The following QRFPR variants were observed in gnomAD, a reference collection of about 807,000 sequenced individuals.
QRFPR encodes the protein pyroglutamylated RFamide peptide receptor.
QRFPR carries 37 observed loss-of-function variants against 31.3 expected under a neutral mutation model. The observed-to-expected ratio is 1.18, with a 90% confidence interval of 0.91 to 1.56. QRFPR has a LOEUF of 1.56. Ranked by LOEUF, QRFPR falls within the 40% of genes most tolerant of loss-of-function variation. The pLI is 0.00. For missense variants in QRFPR, 542 were observed against 532.5 expected, an observed-to-expected ratio of 1.02 and a Z score of -0.18; for synonymous variants, 197 against 192.0, an observed-to-expected ratio of 1.03 and a Z score of -0.22.
intron 1 of QRFPR, among the ~76,000 whole-genome samples, chr4:121,366,189 C>A (rs968983011): frequency 4.0e-5 from 6 of 149,882 alleles, no homozygotes; most frequent in African/African-American, 7.4e-5. Flanking sequence ...AAAAACCCAA[C>A]ACTGAAGCAG....
At chr4:121,371,418 G>A (rs190240645) in intron 1 of QRFPR, among the ~76,000 whole-genome samples, 93 of 152,304 alleles carry the variant, frequency 6.1e-4, no homozygotes, top group African/African-American at 2.1e-3. Context: ...CTAGAACCCC[G>A]TTCACTGACC....
At chr4:121,377,789 T>A (rs1726385477) in intron 1 of QRFPR, among the ~76,000 whole-genome samples, 1 of 152,178 alleles carries the variant, frequency 6.6e-6, no homozygotes, top group Admixed American at 6.5e-5. Context: ...TACTCACTTT[T>A]GTACTCTCAA....
intron 1 of QRFPR, among the ~76,000 whole-genome samples, chr4:121,378,575 G>A (rs907224056): frequency 3.3e-5 from 5 of 151,876 alleles, no homozygotes; most frequent in Admixed American, 3.3e-4. Flanking sequence ...CACGATGCCC[G>A]GCTAATTTTT....
intron 1 of QRFPR, among the ~76,000 whole-genome samples, chr4:121,351,843 T>TAA (rs11333384): frequency 5.9e-4 from 86 of 146,090 alleles, no homozygotes; most frequent in South Asian, 2.2e-4. Context: ...TAAAGTAATG[T>TAA]AAAAAAAAAA....
chr4:121,363,365 A>G lies in QRFPR; in HGVS notation c.340+16943T>C, dbSNP rs143741291. 3.1e-4 allele frequency among the ~76,000 whole-genome samples: 46 copies of G among 150,012 alleles called. 2 individuals carry two copies. Among genetic ancestry groups the G allele is most frequent in the South Asian group, 1.7e-3 (8 of 4,740 alleles). On this transcript the variant is annotated intron_variant, in intron 1 of 5. Coordinates refer to ENST00000394427, the MANE Select transcript of QRFPR (RefSeq NM_198179.3). ...AATAAAGAAAGAAGGAACCAAAACT[A>G]TATAACCCTTCACATGTCAATCATG... is the stretch of plus-strand genomic sequence containing the variant.
intron 1 of QRFPR, among the ~76,000 whole-genome samples, chr4:121,347,679 T>A (rs1043363930): frequency 4.6e-5 from 7 of 152,144 alleles, no homozygotes; most frequent in African/African-American, 1.7e-4. Flanking sequence ...ACCTCTCTCC[T>A]CCTATTTTCG....
chr4:121,364,424 C>T (rs1437724053), intron 1 of QRFPR, among the ~76,000 whole-genome samples: 1 of 149,738 alleles, frequency 6.7e-6, no homozygotes, highest in Non-Finnish European at 1.5e-5. Context: ...ATCACAAGGT[C>T]AGGAGATCGA....
At chr4:121,352,521 AATC>A (rs1725782196) in intron 1 of QRFPR, among the ~76,000 whole-genome samples, 1 of 152,116 alleles carries the variant, frequency 6.6e-6, no homozygotes, top group Non-Finnish European at 1.5e-5. Context: ...TCATTTAAAA[AATC>A]ATCACTGGCA....
At chr4:121,380,276 G>A (rs779184694) in intron 1 of QRFPR, 32 bp downstream of exon 1, 1 of 1,520,164 alleles carries the variant, frequency 6.6e-7, no homozygotes, top group South Asian at 1.2e-5. Context: ...GGTTAAGAGA[G>A]AAGGAGCGAA....
Position 121,363,053 on chromosome 4 carries a change from G to A in QRFPR, c.340+17255C>T, listed in dbSNP as rs1726021489. On this transcript the variant is annotated intron_variant, in intron 1 of 5. Coordinates refer to ENST00000394427, the MANE Select transcript of QRFPR (RefSeq NM_198179.3). The stretch of plus-strand genomic sequence containing the variant: ...TTCTTAAAGAAGGAGCCAAAACTAG[G>A]CCGGGCAGAGTGGCTCATGCCTGTA... Among the ~76,000 whole-genome samples, 4 of 150,066 alleles carry A rather than the reference G, an allele frequency of 2.7e-5. 1 individual carries two copies. Among genetic ancestry groups the A allele is most frequent in the Non-Finnish European group, 5.9e-5 (4 of 67,608 alleles).
intron 1 of QRFPR, among the ~76,000 whole-genome samples, chr4:121,347,979 G>GAATATATATATTCATATATAT: frequency 6.6e-6 from 1 of 151,908 alleles, no homozygotes; most frequent in Non-Finnish European, 1.5e-5. Flanking sequence ...CTTTTTATAT[G>GAATATATATATTCATATATAT]GATATAACTT....
chr4:121,365,518 T>C (rs918658389), intron 1 of QRFPR, among the ~76,000 whole-genome samples: 1 of 3,168 alleles, frequency 3.2e-4, no homozygotes, highest in Non-Finnish European at 4.3e-4. Context: ...TAATATATAT[T>C]ATATATATTA....
chr4:121,380,208 A>AGAGAGAGAGAGG (rs1726454799), intron 1 of QRFPR, 100 bp downstream of exon 1: 1 of 356,244 alleles, frequency 2.8e-6, no homozygotes, highest in African/African-American at 3.4e-5. Flanking sequence ...AGAGAGAGAG[A>AGAGAGAGAGAGG]GAGAGAGAGA....
chr4:121,338,318 G>A (rs1725471247), intron 2 of QRFPR, among the ~76,000 whole-genome samples: 2 of 152,060 alleles, frequency 1.3e-5, no homozygotes, highest in African/African-American at 2.4e-5. Context: ...CTACCTTCCT[G>A]GATCCCTGGA....
intron 1 of QRFPR, chr4:121,369,647 T>C: frequency 1.3e-6 from 2 of 1,597,962 alleles, no homozygotes; most frequent in South Asian, 2.2e-5. Flanking sequence ...TCCAGAATCA[T>C]ACTTCTGAAG....
chr4:121,336,884 A>C lies in QRFPR; in HGVS notation c.500-16T>G. The C allele has an allele frequency of 6.2e-7, 1 of 1,611,410 alleles. No homozygotes were observed. The highest frequency in any genetic ancestry group is 8.5e-7 in the Non-Finnish European group (1 of 1,177,462). Reference sequence around the variant, plus strand: ...CAGACCACACCTGTAAAAGTGTTAAAGTCATGAGAGTATGACTCAGTTGAG... The same window carrying C: ...CAGACCACACCTGTAAAAGTGTTAACGTCATGAGAGTATGACTCAGTTGAG... On this transcript the variant is annotated splice_polypyrimidine_tract_variant and intron_variant, in intron 2 of 5. Coordinates refer to ENST00000394427, the MANE Select transcript of QRFPR (RefSeq NM_198179.3).
chr4:121,330,010 C>G (rs1290453738), intron 5 of QRFPR, among the ~76,000 whole-genome samples: 1 of 152,084 alleles, frequency 6.6e-6, no homozygotes, highest in African/African-American at 2.4e-5. Flanking sequence ...AGCAGTAACC[C>G]TTCAAATGTT....
intron 4 of QRFPR, among the ~76,000 whole-genome samples, chr4:121,331,677 G>A (rs978500947): frequency 1.3e-5 from 2 of 148,908 alleles, no homozygotes; most frequent in African/African-American, 4.9e-5. Flanking sequence ...TATGGAGATG[G>A]AGTCTTGCTC....
At chr4:121,349,810 C>G (rs75022397) in intron 1 of QRFPR, among the ~76,000 whole-genome samples, 2,866 of 152,230 alleles carry the variant, frequency 0.019, 43 homozygotes, top group South Asian at 0.043. Context: ...TCAAATTGTT[C>G]ATACGCATGC....
Sources: allele counts gnomAD v4.1 joint callset (sites outside exome capture counted in the v4.1 genomes callset), GRCh38; gene constraint gnomAD v4.1.1; transcripts MANE v1.5; gene names NCBI Gene and HGNC (gene_info 2026-07-23, HGNC 2026-07-21).